Variants in FLI1 observed in about 807,000 individuals in gnomAD.
The protein encoded by FLI1 is Friend leukemia integration 1 transcription factor.
Under a neutral mutation model 53.1 loss-of-function variants are expected in FLI1, and 13 were observed. The observed-to-expected ratio is 0.24, with a 90% CI of 0.16 to 0.39. The LOEUF (loss-of-function observed/expected upper bound fraction) is 0.39, where lower values mean the gene tolerates loss of function less well. Ranked by LOEUF, FLI1 falls within the 10% of genes least tolerant of loss-of-function variation. The pLI is 1.00. For synonymous variants in FLI1, 244 were observed against 236.7 expected (o/e 1.03, Z -0.28); for missense variants, 424 against 600.5 (o/e 0.71, Z 3.07).
At chr11:128,706,969 A>G (rs753525983) in intron 1 of FLI1, among the ~76,000 whole-genome samples, 14 of 152,220 alleles carry the variant, frequency 9.2e-5, no homozygotes, top group Non-Finnish European at 1.3e-4. Context: ...TCTCATTGTT[A>G]TCATGTCTAG....
intron 1 of FLI1, among the ~76,000 whole-genome samples, chr11:128,755,328 T>C (rs1940818654): frequency 6.6e-6 from 1 of 152,230 alleles, no homozygotes; most frequent in Non-Finnish European, 1.5e-5. Context: ...TCATGAATGA[T>C]AAACTAAGAA....
chr11:128,799,040 A>ATTTTTTTTT (rs1360505352), intron 5 of FLI1, among the ~76,000 whole-genome samples: 13 of 131,442 alleles, frequency 9.9e-5, no homozygotes, highest in African/African-American at 2.8e-4. Flanking sequence ...TATTATTATT[A>ATTTTTTTTT]TTATTATTAT....
At chr11:128,695,762 C>T (rs1237084450) in intron 1 of FLI1, among the ~76,000 whole-genome samples, 2 of 152,134 alleles carry the variant, frequency 1.3e-5, no homozygotes, top group Non-Finnish European at 2.9e-5. Flanking sequence ...CCTGCAAAGA[C>T]CCGAGAGTGG....
At chr11:128,734,316 G>A (rs1481223219) in intron 1 of FLI1, among the ~76,000 whole-genome samples, 1 of 152,218 alleles carries the variant, frequency 6.6e-6, no homozygotes, top group African/African-American at 2.4e-5. Flanking sequence ...TCTGATCTTG[G>A]AAGCTAAGCA....
chr11:128,777,224 T>C (rs886985261), intron 4 of FLI1, among the ~76,000 whole-genome samples: 2 of 150,970 alleles, frequency 1.3e-5, no homozygotes, highest in Non-Finnish European at 3.0e-5. Context: ...CTGGGGGGAG[T>C]TTGCGCAAGG....
intron 1 of FLI1, among the ~76,000 whole-genome samples, chr11:128,757,139 G>C (rs1302374026): frequency 7.2e-6 from 1 of 137,948 alleles, no homozygotes; most frequent in Admixed American, 7.8e-5. Flanking sequence ...TAGAAACACA[G>C]TTTTGCCACA....
rs1286017687 is a variant in FLI1, at chr11:128,694,214, G to A, written c.-45G>A. On this transcript the variant is annotated 5_prime_UTR_variant, in exon 1 of 9. Transcript: ENST00000527786. ...GGCTGCGAGGTCAGGCTGTAACCGG[G>A]TCAATGTGTGGAATATTGGGGGGCT... The A allele has an allele frequency of 3.3e-6, 5 of 1,522,758 alleles. No individual in the cohort carries two copies. Among genetic ancestry groups the A allele is most frequent in the African/African-American group, 1.4e-5 (1 of 69,250 alleles). The allele number at this position is 1,522,758 out of a possible 1,614,324, so 94.3% of individuals were successfully genotyped here.
At chr11:128,708,113 G>T (rs1166164057) in intron 1 of FLI1, among the ~76,000 whole-genome samples, 2 of 152,190 alleles carry the variant, frequency 1.3e-5, no homozygotes, top group African/African-American at 2.4e-5. Flanking sequence ...GAAAACAGGG[G>T]TATCCCTGAA....
chr11:128,764,388 C>T (rs368922241), intron 2 of FLI1, among the ~76,000 whole-genome samples: 2 of 152,244 alleles, frequency 1.3e-5, no homozygotes, highest in Non-Finnish European at 2.9e-5. Context: ...CTCGGCAGCT[C>T]TGCTGTGGCC....
chr11:128,722,791 C>T (rs1038423273), intron 1 of FLI1, among the ~76,000 whole-genome samples: 7 of 152,126 alleles, frequency 4.6e-5, no homozygotes, highest in African/African-American at 9.7e-5. Flanking sequence ...AAAAGCCGTG[C>T]GGAAACACCT....
chr11:128,726,806 T>C (rs953669485), intron 1 of FLI1, among the ~76,000 whole-genome samples: 1 of 152,054 alleles, frequency 6.6e-6, no homozygotes, highest in African/African-American at 2.4e-5. Flanking sequence ...CAGAAATCTA[T>C]GTGAATATTA....
intron 5 of FLI1, among the ~76,000 whole-genome samples, chr11:128,795,483 C>T (rs1179318861): frequency 6.6e-6 from 1 of 151,762 alleles, no homozygotes; most frequent in Non-Finnish European, 1.5e-5. Context: ...AAATTAACTT[C>T]TTATGTCCCA....
At chr11:128,775,840 A>G (rs1451192672) in intron 4 of FLI1, among the ~76,000 whole-genome samples, 1 of 152,134 alleles carries the variant, frequency 6.6e-6, no homozygotes, top group African/African-American at 2.4e-5. Flanking sequence ...CAAGAGATGG[A>G]TGGAAAATAG....
intron 1 of FLI1, among the ~76,000 whole-genome samples, chr11:128,705,407 C>T (rs1591737210): frequency 6.6e-6 from 1 of 152,210 alleles, no homozygotes; most frequent in Non-Finnish European, 1.5e-5. Flanking sequence ...ACGGCATATT[C>T]TTTGACCTGC....
At chr11:128,788,015 T>A (rs548129202) in intron 5 of FLI1, among the ~76,000 whole-genome samples, 7 of 150,516 alleles carry the variant, frequency 4.7e-5, no homozygotes, top group African/African-American at 1.5e-4. Context: ...TTTCACCACG[T>A]TAGCCAGGAT....
rs373970605 is a variant in FLI1 at position 128,686,601 on chromosome 11, G to A, written c.-303G>A. 4.8e-5 allele frequency: 19 copies of A among 397,560 alleles called. No homozygotes were observed. In the East Asian group the frequency reaches 1.2e-3, roughly 24 times the overall value. The allele number at this position is 397,560 out of a possible 1,614,324, so 24.6% of individuals were successfully genotyped here. A position where few individuals can be genotyped will look rare whatever the true frequency, so the allele number is the denominator to read the frequency against. On this transcript the variant is annotated 5_prime_UTR_variant, in exon 1 of 7. Transcript: ENST00000344954. ...CGTCTCTCCCTCGCTCCACTCGCGG[G>A]TAACCGAGGCTTCTCCCTCCCAGGC...
intron 1 of FLI1, among the ~76,000 whole-genome samples, chr11:128,738,071 G>T (rs1939980923): frequency 6.6e-6 from 1 of 152,144 alleles, no homozygotes; most frequent in South Asian, 2.1e-4. Flanking sequence ...CCTTAATATT[G>T]TCATTATTAC....
At chr11:128,691,335 A>G (rs1037828793), upstream of FLI1, among the ~76,000 whole-genome samples, 7 of 152,202 alleles carry the variant, frequency 4.6e-5, no homozygotes, top group African/African-American at 1.7e-4. Flanking sequence ...TTGACCATCA[A>G]ACCCTGAGTT....
At chr11:128,688,121 C>T (rs1937611559) in intron 1 of FLI1, among the ~76,000 whole-genome samples, 1 of 152,084 alleles carries the variant, frequency 6.6e-6, no homozygotes, top group Non-Finnish European at 1.5e-5. Context: ...GTAAATGGCC[C>T]CGGGGAGGGG....
Sources: allele counts gnomAD v4.1 joint callset (sites outside exome capture counted in the v4.1 genomes callset), GRCh38; gene constraint gnomAD v4.1.1; transcripts MANE v1.5; gene names NCBI Gene and HGNC (gene_info 2026-07-23, HGNC 2026-07-21).